Variants in BCAR3 observed in about 807,000 individuals in gnomAD.
The protein encoded by BCAR3 is BCAR3 adaptor protein, NSP family member, also known as breast cancer anti-estrogen resistance protein 3.
BCAR3 carries 37 observed loss-of-function variants against 80.1 expected under a neutral mutation model. The observed-to-expected ratio is 0.46, with a 90% CI of 0.36 to 0.61. BCAR3 has a LOEUF of 0.61. BCAR3 is among the 20% of genes least tolerant of loss of function. BCAR3 has a pLI of 0.00. For synonymous variants in BCAR3, 389 were observed against 418.9 expected (o/e 0.93, Z 0.87); for missense variants, 978 against 1,068.2 (o/e 0.92, Z 1.18).
chr1:93,683,682 T>C (rs1648878269), upstream of BCAR3, among the ~76,000 whole-genome samples: 1 of 152,138 alleles, frequency 6.6e-6, no homozygotes, highest in African/African-American at 2.4e-5. Flanking sequence ...TGGCCGCAAA[T>C]GGGTACATAC....
chr1:93,714,848 G>T (rs968277872), intron 2 of BCAR3, among the ~76,000 whole-genome samples: 2 of 151,986 alleles, frequency 1.3e-5, no homozygotes, highest in Non-Finnish European at 2.9e-5. Context: ...CGTGACTTTC[G>T]CAGTTTTGTA....
intron 2 of BCAR3, among the ~76,000 whole-genome samples, chr1:93,811,081 A>G (rs2100803770): frequency 6.6e-6 from 1 of 152,316 alleles, no homozygotes; most frequent in South Asian, 2.1e-4. Context: ...AAAAAGAAAG[A>G]CTAGAATCCA....
intron 3 of BCAR3, among the ~76,000 whole-genome samples, chr1:93,702,631 C>G (rs961443439): frequency 6.6e-6 from 1 of 152,190 alleles, no homozygotes; most frequent in Non-Finnish European, 1.5e-5. Context: ...CTCTCAGAGG[C>G]AGACATGAAG....
intron 2 of BCAR3, among the ~76,000 whole-genome samples, chr1:93,666,894 T>G (rs140152051): frequency 1.3e-3 from 198 of 152,210 alleles, no homozygotes; most frequent in Admixed American, 2.9e-3. Context: ...GAAGCTGCCG[T>G]CATTGAACGT....
In BCAR3 at chr1:93,567,428, A is replaced by G; in HGVS notation, c.2150T>C (p.Met717Thr). The change falls in exon 11 of 12, where the codon ATG becomes ACG. Residue 717 changes from methionine to threonine, a missense_variant. By Grantham distance (81) the Met-to-Thr change is moderately conservative (BLOSUM62 -1). Coordinates refer to ENST00000260502, the MANE Select transcript of BCAR3 (RefSeq NM_003567.4). Reference sequence around the variant, plus strand: ...TTCAAAAGTCACAGCCTGGCGCTCCATTAACGTCACAAGCGGCATCAGCAG... The same window carrying G: ...TTCAAAAGTCACAGCCTGGCGCTCCGTTAACGTCACAAGCGGCATCAGCAG... ...VPLLMPLVTL[M>T]ERQAVTFEGT... 3 of 1,614,014 alleles carry G rather than the reference A, an allele frequency of 1.9e-6. No homozygotes were observed. Among genetic ancestry groups the G allele is most frequent in the Non-Finnish European group, 2.5e-6 (3 of 1,179,986 alleles).
At chr1:93,708,105 G>A (rs535776098) in intron 2 of BCAR3, among the ~76,000 whole-genome samples, 6 of 152,132 alleles carry the variant, frequency 3.9e-5, no homozygotes, top group African/African-American at 7.2e-5. Flanking sequence ...ATGGAACTTC[G>A]CAGACTGCTA....
chr1:93,812,013 G>C (rs757145437), intron 2 of BCAR3, among the ~76,000 whole-genome samples: 7 of 152,164 alleles, frequency 4.6e-5, no homozygotes, highest in Non-Finnish European at 7.3e-5. Context: ...CTGCCCACTT[G>C]CTGCTTAGGA....
chr1:93,604,066 GA>G (rs1674703350), intron 3 of BCAR3, among the ~76,000 whole-genome samples: 1 of 152,194 alleles, frequency 6.6e-6, no homozygotes, highest in South Asian at 2.1e-4. Context: ...AGATTCTGCA[GA>G]TGGGTTTTGA....
At chr1:93,668,702 CT>C (rs113398047) in intron 2 of BCAR3, among the ~76,000 whole-genome samples, 2,794 of 143,822 alleles carry the variant, frequency 0.019, 76 homozygotes, top group African/African-American at 0.058. Flanking sequence ...CTAATAAAAG[CT>C]TTTTTTTTTT....
rs745779084 is a variant in BCAR3 at position 93,582,959 on chromosome 1, G to A, written c.1034-6C>T. On this transcript the variant is annotated splice_region_variant and splice_polypyrimidine_tract_variant and intron_variant, in intron 6 of 11. Coordinates refer to ENST00000260502, the MANE Select transcript of BCAR3 (RefSeq NM_003567.4). ...CTGAGGTGGCAGCTTGCAGCCTGTG[G>A]GGGATAAGAAAAGGTCAGAGAAAGC... 3 of 1,577,022 alleles carry A rather than the reference G, an allele frequency of 1.9e-6. No individual in the cohort carries two copies. The highest frequency in any genetic ancestry group is 1.7e-5 in the Admixed American group (1 of 57,414).
intron 2 of BCAR3, among the ~76,000 whole-genome samples, chr1:93,758,864 G>A (rs1043108394): frequency 2.0e-5 from 3 of 152,186 alleles, no homozygotes; most frequent in African/African-American, 7.2e-5. Context: ...TTAGAGAACC[G>A]AATAGGAGAA....
chr1:93,737,372 A>T (rs1186490715), intron 2 of BCAR3, among the ~76,000 whole-genome samples: 1 of 152,132 alleles, frequency 6.6e-6, no homozygotes, highest in Non-Finnish European at 1.5e-5. Context: ...AAATCTAGTA[A>T]TTGATGCCTA....
intron 2 of BCAR3, among the ~76,000 whole-genome samples, chr1:93,732,039 T>A (rs1650809090): frequency 6.6e-6 from 1 of 152,210 alleles, no homozygotes; most frequent in Admixed American, 6.5e-5. Context: ...TGACTGTCCA[T>A]GTCTGCACAT....
At chr1:93,669,334 A>C (rs890394238) in intron 2 of BCAR3, among the ~76,000 whole-genome samples, 12 of 152,220 alleles carry the variant, frequency 7.9e-5, no homozygotes, top group Admixed American at 3.3e-4. Context: ...GTTTTAGAGG[A>C]AAAAAGCTGC....
At chr1:93,658,347 G>T (rs1159669216) in intron 2 of BCAR3, among the ~76,000 whole-genome samples, 5 of 152,146 alleles carry the variant, frequency 3.3e-5, no homozygotes, top group South Asian at 2.1e-4. Flanking sequence ...AAAACTGGTT[G>T]TAATGATTCA....
At chr1:93,659,768 G>T (rs1344079763) in intron 2 of BCAR3, among the ~76,000 whole-genome samples, 2 of 151,814 alleles carry the variant, frequency 1.3e-5, no homozygotes, top group Non-Finnish European at 2.9e-5. Context: ...GTATCAATAG[G>T]CCTGGGGTCC....
At chr1:93,629,377 G>A (rs113084496) in intron 3 of BCAR3, among the ~76,000 whole-genome samples, 40 of 152,144 alleles carry the variant, frequency 2.6e-4, no homozygotes, top group African/African-American at 7.7e-4. Flanking sequence ...CTTGGTTACC[G>A]GAGGTAACAC....
chr1:93,731,669 A>C (rs1199156336), intron 2 of BCAR3, among the ~76,000 whole-genome samples: 1 of 151,630 alleles, frequency 6.6e-6, no homozygotes, highest in Non-Finnish European at 1.5e-5. Flanking sequence ...AAATAAAATA[A>C]AATAAAATAA....
intron 8 of BCAR3, among the ~76,000 whole-genome samples, chr1:93,572,580 A>G (rs1254413930): frequency 6.6e-6 from 1 of 152,180 alleles, no homozygotes; most frequent in African/African-American, 2.4e-5. Context: ...CCGCATGACA[A>G]CAGGATCAAT....
Sources: gnomAD v4.1 joint callset for allele counts (sites outside exome capture counted in the v4.1 genomes callset) on GRCh38, gnomAD v4.1.1 for gene constraint, MANE v1.5 for transcripts, NCBI Gene and HGNC (gene_info 2026-07-23, HGNC 2026-07-21) for gene names.